NAPEPLD: variants seen among roughly 807,000 people sequenced by gnomAD.
The protein encoded by NAPEPLD is N-acyl-phosphatidylethanolamine-hydrolyzing phospholipase D.
NAPEPLD carries 23 observed loss-of-function variants against 38.1 expected under a neutral mutation model. The ratio of observed to expected loss-of-function variants is 0.60; its 90% CI spans 0.43 to 0.86. The LOEUF is 0.86. NAPEPLD is among the 40% of genes least tolerant of loss of function. NAPEPLD has a pLI of 0.00. For synonymous variants in NAPEPLD, 147 were observed against 162.0 expected, an observed-to-expected ratio of 0.91 and a Z score of 0.71; for missense variants, 411 against 476.8, an observed-to-expected ratio of 0.86 and a Z score of 1.28.
intron 1 of NAPEPLD, among the ~76,000 whole-genome samples, chr7:103,134,885 C>T (rs532655917): frequency 2.0e-5 from 3 of 152,280 alleles, no homozygotes; most frequent in Non-Finnish European, 4.4e-5. Context: ...TCAATAACTG[C>T]ACATATGGGT....
At chr7:103,105,382 T>C (rs982614945) in intron 4 of NAPEPLD, among the ~76,000 whole-genome samples, 1 of 152,118 alleles carries the variant, frequency 6.6e-6, no homozygotes, top group African/African-American at 2.4e-5. Flanking sequence ...TATACAACAA[T>C]AGAATATATT....
chr7:103,144,075 T>C (rs1437762418), intron 1 of NAPEPLD, among the ~76,000 whole-genome samples: 1 of 152,184 alleles, frequency 6.6e-6, no homozygotes, highest in Non-Finnish European at 1.5e-5. Flanking sequence ...GCTCACAGAG[T>C]TTAATAGCTT....
chr7:103,145,467 A>C (rs1812342228), intron 1 of NAPEPLD, among the ~76,000 whole-genome samples: 1 of 152,248 alleles, frequency 6.6e-6, no homozygotes, highest in African/African-American at 2.4e-5. Flanking sequence ...TTCAGCCAAG[A>C]ATTGTAAAGT....
chr7:103,136,100 A>T (rs535064932), intron 1 of NAPEPLD, among the ~76,000 whole-genome samples: 2 of 146,506 alleles, frequency 1.4e-5, no homozygotes, highest in East Asian at 4.0e-4. Flanking sequence ...AAACCCTATT[A>T]AAAAAAAAAC....
At chr7:103,120,701 C>CTTTTTTTTTTTTTTTTTTTTTTTT (rs869141133) in intron 2 of NAPEPLD, among the ~76,000 whole-genome samples, 2 of 82,504 alleles carry the variant, frequency 2.4e-5, no homozygotes, top group African/African-American at 4.5e-5. Context: ...TGATATTTTT[C>CTTTTTTTTTTTTTTTTTTTTTTTT]TTTTTTTTTT....
At chr7:103,117,948 C>T (rs1023537665) in intron 3 of NAPEPLD, among the ~76,000 whole-genome samples, 12 of 152,052 alleles carry the variant, frequency 7.9e-5, no homozygotes, top group South Asian at 2.1e-4. Flanking sequence ...GTTGGGAGGC[C>T]GACACAGGCA....
At chr7:103,118,554 A>C (rs149450037) in intron 3 of NAPEPLD, among the ~76,000 whole-genome samples, 1 of 152,260 alleles carries the variant, frequency 6.6e-6, no homozygotes, top group African/African-American at 2.4e-5. Context: ...GATTCATTCA[A>C]TTCATCTATG....
chr7:103,125,963 C>T (rs1807703711), intron 2 of NAPEPLD, among the ~76,000 whole-genome samples: 1 of 151,550 alleles, frequency 6.6e-6, no homozygotes, highest in Non-Finnish European at 1.5e-5. Flanking sequence ...TTTCAGAATG[C>T]AAATTTTTTT....
At chr7:103,138,023 G>T (rs1283351982) in intron 1 of NAPEPLD, among the ~76,000 whole-genome samples, 5 of 150,922 alleles carry the variant, frequency 3.3e-5, no homozygotes, top group Non-Finnish European at 5.9e-5. Context: ...TGTTACCCAG[G>T]CTGGAGTGCA....
chr7:103,119,542 C>A, intron 3 of NAPEPLD, 35 bp downstream of exon 3: 1 of 1,563,530 alleles, frequency 6.4e-7, no homozygotes, highest in Non-Finnish European at 8.6e-7. Flanking sequence ...TAATTTATCA[C>A]ATAGCAGGAA....
intron 4 of NAPEPLD, among the ~76,000 whole-genome samples, chr7:103,104,361 A>AC (rs1382048865): frequency 1.3e-5 from 2 of 152,190 alleles, no homozygotes; most frequent in African/African-American, 4.8e-5. Context: ...CAAGGGAGAA[A>AC]CCAACTACAG....
intron 2 of NAPEPLD, 193 bp downstream of exon 2, chr7:103,128,290 T>C (rs1808230767): frequency 4.8e-6 from 3 of 619,024 alleles, no homozygotes; most frequent in Non-Finnish European, 8.2e-6. Flanking sequence ...CTACCTCTAG[T>C]TGCCACCAGA....
rs1259429114 is a variant in NAPEPLD at position 103,102,190 on chromosome 7, C to G, written c.*1239G>C. 1 of 151,894 alleles carries G rather than the reference C, an allele frequency of 6.6e-6. No homozygotes were observed. The highest frequency in any genetic ancestry group is 2.4e-5 in the African/African-American group (1 of 41,374). The allele number at this position is 151,894 out of a possible 1,614,324, so 9.4% of individuals were successfully genotyped here. Reference sequence around the variant, plus strand: ...GAGAAAATTAAAAACAAATTTAATTCAAAGAATATGGTCTATTAACATTTT... The same window carrying G: ...GAGAAAATTAAAAACAAATTTAATTGAAAGAATATGGTCTATTAACATTTT... On this transcript the variant is annotated 3_prime_UTR_variant, in exon 5 of 5. Transcript: ENST00000465647.
At chr7:103,146,109 T>C (rs1225620250) in intron 1 of NAPEPLD, among the ~76,000 whole-genome samples, 2 of 152,186 alleles carry the variant, frequency 1.3e-5, no homozygotes, top group South Asian at 2.1e-4. Flanking sequence ...ATCTTTGTAA[T>C]TGAAGGACCT....
intron 1 of NAPEPLD, among the ~76,000 whole-genome samples, chr7:103,129,734 G>A (rs528594699): frequency 5.9e-5 from 9 of 152,190 alleles, no homozygotes; most frequent in Non-Finnish European, 4.4e-5. Flanking sequence ...CTAGCTATAC[G>A]ACCTTGAGCC....
Position 103,128,493 on chromosome 7 carries a change from C to G in NAPEPLD, c.284G>C (p.Ser95Thr). The change falls in exon 2 of 5, where the codon AGT becomes ACT. Residue 95 changes from serine to threonine, a missense_variant. Ser to Thr is a moderately conservative substitution (Grantham distance 58). Transcript: ENST00000465647. Reference sequence around the variant, plus strand: ...AAAGCCAAGCGCTACCTCTTTAGAACTTGGAACACTGCTGTGATCTTTCTC... The same window carrying G: ...AAAGCCAAGCGCTACCTCTTTAGAAGTTGGAACACTGCTGTGATCTTTCTC... ...IMEKDHSSVPSSKEELDKELP... is the reference protein window; with the variant it reads ...IMEKDHSSVPTSKEELDKELP... The G allele has an allele frequency of 1.9e-6, 3 of 1,614,132 alleles. No individual in the cohort carries two copies. The highest frequency in any genetic ancestry group is 2.2e-5 in the East Asian group (1 of 44,872).
rs1181640366 is a variant in NAPEPLD at position 103,102,763 on chromosome 7, A to G, written c.*666T>C. Reference sequence around the variant, plus strand: ...ATGCGAAAGAACTGTACACTTAAAAATGGTTAAAATGGTAAATGTTTAAAA... The same window carrying G: ...ATGCGAAAGAACTGTACACTTAAAAGTGGTTAAAATGGTAAATGTTTAAAA... On this transcript the variant is annotated 3_prime_UTR_variant, in exon 5 of 5. Transcript: ENST00000465647. The G allele has an allele frequency of 1.3e-5, 2 of 152,650 alleles. No individual in the cohort carries two copies. The highest frequency in any genetic ancestry group is 2.4e-5 in the African/African-American group (1 of 41,468). The allele number at this position is 152,650 out of a possible 1,614,324, so 9.5% of individuals were successfully genotyped here. A position where few individuals can be genotyped will look rare whatever the true frequency, so the allele number is the denominator to read the frequency against.
chr7:103,119,687 A>G lies in NAPEPLD; in HGVS notation c.831T>C (p.Asn277=), dbSNP rs142842834. The G allele has an allele frequency of 2.5e-6, 4 of 1,614,146 alleles. No individual in the cohort carries two copies. Among genetic ancestry groups the G allele is most frequent in the Non-Finnish European group, 3.4e-6 (4 of 1,180,030 alleles). Residue 277 remains asparagine, a synonymous_variant, in exon 3 of 5, where the codon AAT becomes AAC. Transcript: ENST00000465647. ...CAGTATCTCCTGCGAAAAAAAATCG[A>G]TTCCAAGGCCCCAAGACAGACCAGC... The part of the protein sequence containing the change: ...WGSWSVLGPW[N]RFFFAGDTGY...
Position 103,119,645 on chromosome 7 carries a change from A to C in NAPEPLD, c.873T>G (p.Phe291Leu). The C allele has an allele frequency of 6.2e-7, 1 of 1,614,202 alleles. No individual in the cohort carries two copies. Among genetic ancestry groups the C allele is most frequent in the Non-Finnish European group, 8.5e-7 (1 of 1,180,042 alleles). Reference protein sequence around the residue: ...FAGDTGYCPAFEEIGKRFGPF... With the variant: ...FAGDTGYCPALEEIGKRFGPF... ...GTCCAAATCTTTTTCCTATCTCTTC[A>C]AAAGCAGGGCAATAACCAGTATCTC... Residue 291 changes from phenylalanine (F) to leucine (L), a missense_variant, in exon 3 of 5, where the codon TTT becomes TTG. By Grantham distance (22) the Phe-to-Leu change is conservative. Coordinates refer to ENST00000465647, the MANE Select transcript of NAPEPLD (RefSeq NM_001122838.3).
Sources: allele counts gnomAD v4.1 joint callset (sites outside exome capture counted in the v4.1 genomes callset), GRCh38; gene constraint gnomAD v4.1.1; transcripts MANE v1.5; gene names NCBI Gene and HGNC (gene_info 2026-07-23, HGNC 2026-07-21).